VWC2L: variants seen among roughly 807,000 people sequenced by gnomAD.
VWC2L encodes the protein von Willebrand factor C domain-containing protein 2-like.
Under a neutral mutation model 21.6 loss-of-function variants are expected in VWC2L, and 10 were observed. The ratio of observed to expected loss-of-function variants is 0.46; its 90% CI spans 0.29 to 0.78. VWC2L has a LOEUF of 0.78. Ranked by LOEUF, VWC2L falls within the 30% of genes least tolerant of loss-of-function variation. VWC2L has a pLI of 0.10. For missense variants in VWC2L, 209 were observed against 277.1 expected, an observed-to-expected ratio of 0.75 and a Z score of 1.74; for synonymous variants, 96 against 94.3, an observed-to-expected ratio of 1.02 and a Z score of -0.10.
intron 2 of VWC2L, among the ~76,000 whole-genome samples, chr2:214,429,963 A>G (rs907298742): frequency 6.6e-6 from 1 of 152,066 alleles, no homozygotes; most frequent in Non-Finnish European, 1.5e-5. Flanking sequence ...AGCTGGGACT[A>G]CAGGCACCTG....
At chr2:214,496,518 T>TTGTTTGGAA (rs1688815814) in intron 3 of VWC2L, among the ~76,000 whole-genome samples, 2 of 152,130 alleles carry the variant, frequency 1.3e-5, no homozygotes, top group Non-Finnish European at 2.9e-5. Flanking sequence ...TTGATAGACC[T>TTGTTTGGAA]CCTAATTAAT....
intron 3 of VWC2L, among the ~76,000 whole-genome samples, chr2:214,445,945 C>A (rs1027322726): frequency 4.6e-5 from 7 of 152,138 alleles, no homozygotes; most frequent in African/African-American, 1.7e-4. Context: ...CTATGAGATT[C>A]TTTTCAAAGC....
At chr2:214,455,154 T>C (rs1042859681) in intron 3 of VWC2L, among the ~76,000 whole-genome samples, 1 of 152,176 alleles carries the variant, frequency 6.6e-6, no homozygotes, top group Non-Finnish European at 1.5e-5. Context: ...AGAATTAGTA[T>C]ACATATATAT....
rs1690247935 is a variant in VWC2L at position 214,577,395 on chromosome 2, C to T, written c.*1575C>T. 6.6e-6 allele frequency: 1 copy of T among 152,190 alleles called. No individual in the cohort carries two copies. Among genetic ancestry groups the T allele is most frequent in the Non-Finnish European group, 1.5e-5 (1 of 68,094 alleles). The allele number at this position is 152,190 out of a possible 1,614,324, so 9.4% of individuals were successfully genotyped here. On this transcript the variant is annotated 3_prime_UTR_variant, in exon 4 of 4. Transcript: ENST00000312504. ...TTAGGATGTTTAGCACCATCACTGG[C>T]CTCTATCCACTAGCAACATCCCAGC...
chr2:214,551,432 G>A (rs540812717), intron 3 of VWC2L, among the ~76,000 whole-genome samples: 51 of 152,312 alleles, frequency 3.3e-4, no homozygotes, highest in African/African-American at 1.2e-3. Flanking sequence ...TATAATCAGT[G>A]ACTAGGGGAA....
intron 3 of VWC2L, among the ~76,000 whole-genome samples, chr2:214,540,865 C>T (rs1414163994): frequency 6.6e-6 from 1 of 152,186 alleles, no homozygotes; most frequent in East Asian, 1.9e-4. Flanking sequence ...TCATCAGTGA[C>T]AGAGTCAGAC....
intron 3 of VWC2L, among the ~76,000 whole-genome samples, chr2:214,499,383 T>C (rs556638741): frequency 2.8e-4 from 42 of 152,046 alleles, no homozygotes; most frequent in African/African-American, 9.9e-4. Flanking sequence ...AAAACTGCCA[T>C]CAAGTTTAGA....
chr2:214,540,519 A>G (rs567109626), intron 3 of VWC2L, among the ~76,000 whole-genome samples: 1 of 152,314 alleles, frequency 6.6e-6, no homozygotes, highest in East Asian at 1.9e-4. Context: ...TACAGCGGTT[A>G]TATACCAAGG....
At chr2:214,453,931 G>T (rs955724842) in intron 3 of VWC2L, among the ~76,000 whole-genome samples, 1 of 151,928 alleles carries the variant, frequency 6.6e-6, no homozygotes, top group African/African-American at 2.4e-5. Context: ...TTGTTGCCCA[G>T]GCTGGTCTCG....
At chr2:214,445,289 G>A (rs1238155062) in intron 3 of VWC2L, among the ~76,000 whole-genome samples, 1 of 151,826 alleles carries the variant, frequency 6.6e-6, no homozygotes, top group East Asian at 1.9e-4. Context: ...TATGGATATA[G>A]TTGTTATAAA....
intron 3 of VWC2L, among the ~76,000 whole-genome samples, chr2:214,471,900 G>T (rs892204125): frequency 1.3e-5 from 2 of 152,132 alleles, no homozygotes; most frequent in Non-Finnish European, 2.9e-5. Context: ...ACCAAACAAG[G>T]TTCACGTATC....
At chr2:214,486,044 T>A (rs1365396571) in intron 3 of VWC2L, among the ~76,000 whole-genome samples, 1 of 151,562 alleles carries the variant, frequency 6.6e-6, no homozygotes, top group African/African-American at 2.4e-5. Context: ...TCTTCCTGTG[T>A]CATGTAATAT....
intron 2 of VWC2L, among the ~76,000 whole-genome samples, chr2:214,426,998 A>C (rs1459011039): frequency 2.6e-5 from 4 of 152,232 alleles, no homozygotes; most frequent in African/African-American, 9.7e-5. Flanking sequence ...CCATTTAAAA[A>C]ACAAACTGCA....
Position 214,479,275 on chromosome 2 carries a change from C to G in VWC2L, c.520+42517C>G, listed in dbSNP as rs144128402. On this transcript the variant is annotated intron_variant, in intron 3 of 3. Transcript: ENST00000312504. ...GGTATATTCATGGTAAATGGACAAT[C>G]CTTTCCATAAAAATATCTTATTTTT... Among the ~76,000 whole-genome samples the G allele has an allele frequency of 2.0e-3, 302 of 152,274 alleles. 1 individual carries two copies. The highest frequency in any genetic ancestry group is 3.5e-3 in the Non-Finnish European group (237 of 68,020).
intron 3 of VWC2L, among the ~76,000 whole-genome samples, chr2:214,558,312 A>C (rs73987405): frequency 0.044 from 6,675 of 152,114 alleles, 501 homozygotes; most frequent in African/African-American, 0.15. Flanking sequence ...ACTCCCCTGA[A>C]TTCAATTACC....
At chr2:214,468,022 C>T (rs1454771929) in intron 3 of VWC2L, among the ~76,000 whole-genome samples, 1 of 151,692 alleles carries the variant, frequency 6.6e-6, no homozygotes, top group African/African-American at 2.4e-5. Context: ...TGAGGTTTTA[C>T]GTCTTTTTTT....
At chr2:214,419,367 A>G (rs908767003) in intron 2 of VWC2L, among the ~76,000 whole-genome samples, 29 of 152,160 alleles carry the variant, frequency 1.9e-4, no homozygotes, top group Admixed American at 3.9e-4. Context: ...AGGCTTAACT[A>G]TCTTAATGCT....
chr2:214,447,802 C>T (rs1023929938), intron 3 of VWC2L, among the ~76,000 whole-genome samples: 3 of 152,056 alleles, frequency 2.0e-5, no homozygotes, highest in East Asian at 1.9e-4. Flanking sequence ...CCGTCTAAAC[C>T]TTCTTGGGCT....
chr2:214,561,546 T>C (rs1006035434), intron 3 of VWC2L, among the ~76,000 whole-genome samples: 5 of 152,152 alleles, frequency 3.3e-5, no homozygotes, highest in African/African-American at 1.2e-4. Context: ...GAAGCTGAGA[T>C]GGGCCAATTG....
Sources: allele counts gnomAD v4.1 joint callset (sites outside exome capture counted in the v4.1 genomes callset), GRCh38; gene constraint gnomAD v4.1.1; transcripts MANE v1.5; gene names NCBI Gene and HGNC (gene_info 2026-07-23, HGNC 2026-07-21).